Variants in PPP6R1 observed in about 807,000 individuals in gnomAD.
PPP6R1 encodes serine/threonine-protein phosphatase 6 regulatory subunit 1.
A neutral mutation model predicts 104.6 loss-of-function variants in PPP6R1; 39 were observed. That is an observed-to-expected ratio of 0.37 (90% confidence interval 0.29 to 0.49). PPP6R1 has a LOEUF of 0.49. Among genes scored for constraint, PPP6R1 ranks in the 20% least tolerant of loss-of-function variants. The pLI is 0.98. For missense variants in PPP6R1, 1,181 were observed against 1,155.8 expected, an observed-to-expected ratio of 1.02 and a Z score of -0.32; for synonymous variants, 549 against 479.0, an observed-to-expected ratio of 1.15 and a Z score of -1.91.
At chr19:55,257,217 C>T (rs923842831) in intron 1 of PPP6R1, among the ~76,000 whole-genome samples, 34 of 152,240 alleles carry the variant, frequency 2.2e-4, no homozygotes, top group Admixed American at 2.0e-3. Context: ...AAGTCCTCAT[C>T]CTGTGTTATC....
At chr19:55,234,906 G>A (rs1223560835) in intron 17 of PPP6R1, among the ~76,000 whole-genome samples, 1 of 152,206 alleles carries the variant, frequency 6.6e-6, no homozygotes. Context: ...TTAGAAGCCA[G>A]GACAACTTTA....
rs1284140460 is a variant in PPP6R1, at chr19:55,245,831, C to T, written c.228-153G>A. On this transcript the variant is annotated intron_variant, in intron 2 of 23. Coordinates refer to ENST00000412770, the MANE Select transcript of PPP6R1 (RefSeq NM_014931.4). The surrounding 1 kb of genome is among the most constrained non-coding windows in gnomAD (Gnocchi z 6.4). ...GGGGAAAGGGCAGAGGACAGGGTGA[C>T]GCAGAAACAAGGGCCCACACCAGGC... Among the ~76,000 whole-genome samples, 2 of 151,996 alleles carry T rather than the reference C, an allele frequency of 1.3e-5. No individual in the cohort carries two copies. The highest frequency in any genetic ancestry group is 1.3e-4 in the Admixed American group (2 of 15,266).
Position 55,239,665 on chromosome 19 carries a change from G to A in PPP6R1, c.1582C>T (p.His528Tyr). The change falls in exon 14 of 24, where the codon CAC becomes TAC. Residue 528 changes from histidine to tyrosine, a missense_variant. His to Tyr is a moderately conservative substitution (Grantham distance 83). Around this residue, in one of 2 missense-constraint regions of PPP6R1, gnomAD observed 1,042 missense variants for 955.6 expected, o/e 1.09. Coordinates refer to ENST00000412770, the MANE Select transcript of PPP6R1 (RefSeq NM_014931.4). ...MVDLVNTHHL[H>Y]SSSDDEDDRL... The stretch of plus-strand genomic sequence containing the variant: ...TCGTCCTCATCGTCACTGGAGGAGT[G>A]TAGGTGGTGGGTGTTCACCTGGGGA... 1.9e-6 allele frequency: 3 copies of A among 1,611,586 alleles called. No homozygotes were observed. In the East Asian group the frequency reaches 6.7e-5, roughly 36 times the overall value.
chr19:55,233,320 A>T (rs1427491157), intron 17 of PPP6R1: 1 of 152,248 alleles, frequency 6.6e-6, no homozygotes, highest in African/African-American at 2.4e-5. Context: ...AACATAAGGC[A>T]TCTACAAAAC....
At position 55,242,251 on chromosome 19, in the gene PPP6R1, T is replaced by G; in HGVS notation, c.760A>C (p.Asn254His). 1.2e-6 allele frequency: 2 copies of G among 1,613,866 alleles called. No homozygotes were observed. The highest frequency in any genetic ancestry group is 1.7e-6 in the Non-Finnish European group (2 of 1,179,862). ...KQETIEQLLS[N>H]MFEGEQSQSV... is the part of the protein sequence containing the mutation. ...TGGCTCTGCTCCCCCTCGAACATGT[T>G]GCTTAAGAGCTGCTCAATCGTCTCC... The change falls in exon 7 of 24, where the codon AAC (asparagine) becomes CAC (histidine). Residue 254 changes from asparagine (N) to histidine (H), a missense_variant. Physicochemically the swap from Asn to His is moderately conservative, Grantham distance 68 (BLOSUM62 1). This residue lies in a region of PPP6R1 where 1,042 missense variants were observed against 955.6 expected (regional missense o/e 1.09). Coordinates refer to ENST00000412770, the MANE Select transcript of PPP6R1 (RefSeq NM_014931.4).
intron 20 of PPP6R1, 52 bp downstream of exon 20, chr19:55,231,546 G>A (rs1342429862): frequency 6.3e-7 from 1 of 1,599,568 alleles, no homozygotes; most frequent in Non-Finnish European, 8.5e-7. Flanking sequence ...GAGCTGGCCA[G>A]GCTGCTCTCT....
At chr19:55,234,462 T>C (rs2087376927) in intron 17 of PPP6R1, among the ~76,000 whole-genome samples, 1 of 152,190 alleles carries the variant, frequency 6.6e-6, no homozygotes. Context: ...TGGTTATCTA[T>C]ATGTAAAGGG....
intron 1 of PPP6R1, among the ~76,000 whole-genome samples, chr19:55,249,274 C>T (rs2087534926): frequency 6.6e-6 from 1 of 152,164 alleles, no homozygotes; most frequent in African/African-American, 2.4e-5. Flanking sequence ...AGGAGTCTCA[C>T]TCTGTTGCCC....
At chr19:55,257,157 C>T (rs2087599495) in intron 1 of PPP6R1, among the ~76,000 whole-genome samples, 1 of 151,826 alleles carries the variant, frequency 6.6e-6, no homozygotes, top group Non-Finnish European at 1.5e-5. Context: ...CTAGTAAGCA[C>T]ACGTGGCCGG....
chr19:55,257,213 T>C (rs2087599924), intron 1 of PPP6R1, among the ~76,000 whole-genome samples: 2 of 152,032 alleles, frequency 1.3e-5, no homozygotes, highest in Admixed American at 6.5e-5. Context: ...AACCAAGTCC[T>C]CATCCTGTGT....
chr19:55,240,157 C>T (rs1235732808), intron 11 of PPP6R1, 43 bp from the exon 12 acceptor site: 2 of 1,561,458 alleles, frequency 1.3e-6, no homozygotes, highest in Admixed American at 1.9e-5. Flanking sequence ...GGACTGGACC[C>T]AGGGATGCCC....
chr19:55,231,379 C>A, intron 21 of PPP6R1, 31 bp downstream of exon 21: 1 of 1,553,450 alleles, frequency 6.4e-7, no homozygotes, highest in Non-Finnish European at 8.7e-7. Context: ...AGACTTCTCC[C>A]GATACTAGGC....
intron 13 of PPP6R1, 63 bp from the exon 14 acceptor site, chr19:55,239,746 A>G (rs1399196310): frequency 1.9e-6 from 3 of 1,587,228 alleles, no homozygotes; most frequent in Non-Finnish European, 2.6e-6. Context: ...GCAGGCAGCT[A>G]TCGGTGGCGG....
chr19:55,245,446 C>T lies in PPP6R1; in HGVS notation c.415-44G>A. ...CGTCATGCACAGGGCCTGGCCCAGC[C>T]ACCACCCCTCAACCCACGGTGGCGC... On this transcript the variant is annotated intron_variant, in intron 3 of 23. Transcript: ENST00000412770. The surrounding 1 kb of genome is among the most constrained non-coding windows in gnomAD (Gnocchi z 6.4). 2 of 1,611,920 alleles carry T rather than the reference C, an allele frequency of 1.2e-6. No homozygotes were observed. The highest frequency in any genetic ancestry group is 1.7e-6 in the Non-Finnish European group (2 of 1,178,938).
At chr19:55,228,367 G>GCA, downstream of PPP6R1, 2 of 1,613,932 alleles carry the variant, frequency 1.2e-6, no homozygotes, top group South Asian at 2.2e-5. Context: ...CTGGTCCTCG[G>GCA]GAATCCAGAG....
At chr19:55,253,824 GGA>G (rs2087572239) in intron 1 of PPP6R1, among the ~76,000 whole-genome samples, 1 of 152,200 alleles carries the variant, frequency 6.6e-6, no homozygotes, top group African/African-American at 2.4e-5. Flanking sequence ...GAATGGAGCA[GGA>G]GAGTGGGTTT....
chr19:55,248,008 C>G (rs1422904691), intron 1 of PPP6R1, among the ~76,000 whole-genome samples: 1 of 152,212 alleles, frequency 6.6e-6, no homozygotes, highest in Admixed American at 6.5e-5. Flanking sequence ...CTGGTTCCAG[C>G]CCCTAAACGC....
chr19:55,240,175 G>A, intron 11 of PPP6R1, 61 bp from the exon 12 acceptor site: 2 of 1,561,878 alleles, frequency 1.3e-6, no homozygotes, highest in Non-Finnish European at 1.7e-6. Flanking sequence ...CCCAGCCCCA[G>A]CCCGGCCCCC....
intron 15 of PPP6R1, among the ~76,000 whole-genome samples, chr19:55,237,310 C>T (rs1238402799): frequency 6.6e-6 from 1 of 152,126 alleles, no homozygotes; most frequent in Non-Finnish European, 1.5e-5. Flanking sequence ...AGATCCATGC[C>T]CTTGTCCCCA....
Sources: allele counts gnomAD v4.1 joint callset (sites outside exome capture counted in the v4.1 genomes callset), GRCh38; gene constraint gnomAD v4.1.1; regional missense constraint gnomAD v4.1.1; non-coding constraint Gnocchi (gnomAD v3.1); transcripts MANE v1.5; gene names NCBI Gene and HGNC (gene_info 2026-07-23, HGNC 2026-07-21).